The following COL14A1 variants were observed in gnomAD, a reference collection of about 807,000 sequenced individuals.
The protein encoded by COL14A1 is collagen alpha-1(XIV) chain.
COL14A1 carries 136 observed loss-of-function variants against 230.3 expected under a neutral mutation model. The observed-to-expected ratio is 0.59, with a 90% confidence interval of 0.51 to 0.68. The LOEUF (loss-of-function observed/expected upper bound fraction) is 0.68, where lower values mean the gene tolerates loss of function less well. COL14A1 is among the 30% of genes least tolerant of loss of function. The probability of loss-of-function intolerance (pLI) is 0.00; values close to 1 mark genes in which losing one functional copy is unlikely to be tolerated. For synonymous variants in COL14A1, 792 were observed against 784.1 expected, an observed-to-expected ratio of 1.01 and a Z score of -0.17; for missense variants, 1,976 against 2,215.8, an observed-to-expected ratio of 0.89 and a Z score of 2.17.
intron 40 of COL14A1, among the ~76,000 whole-genome samples, chr8:120,316,962 A>T (rs1014039870): frequency 6.6e-6 from 1 of 152,186 alleles, no homozygotes; most frequent in Non-Finnish European, 1.5e-5. Flanking sequence ...AAATTCATTT[A>T]AATCATCTAT....
At position 120,226,671 on chromosome 8, in the gene COL14A1, A is replaced by G. The variant is rs371170582; in HGVS notation, c.1909A>G (p.Thr637Ala). The G allele has an allele frequency of 1.9e-5, 30 of 1,613,812 alleles. No homozygotes were observed. Among genetic ancestry groups the G allele is most frequent in the Non-Finnish European group, 2.5e-5 (30 of 1,179,888 alleles). Residue 637 changes from threonine (T) to alanine (A), a missense_variant, in exon 16 of 48, where the codon ACA becomes GCA. This residue lies in a region of COL14A1 where 1,791 missense variants were observed against 2,019.5 expected (regional missense o/e 0.89). Coordinates refer to ENST00000297848, the MANE Select transcript of COL14A1 (RefSeq NM_021110.4). ...QQYLEIDEVT[T>A]DSFRVTWHPL... ...ATACTTAGAAATTGATGAGGTGACG[A>G]CAGACAGTTTTAGGGTGACCTGGCA... is the stretch of plus-strand genomic sequence containing the variant.
At chr8:120,241,269 G>A (rs1356805487) in intron 19 of COL14A1, among the ~76,000 whole-genome samples, 1 of 152,150 alleles carries the variant, frequency 6.6e-6, no homozygotes, top group Non-Finnish European at 1.5e-5. Flanking sequence ...GCAATGGATG[G>A]GAATTAAAAT....
intron 5 of COL14A1, among the ~76,000 whole-genome samples, chr8:120,182,168 G>A (rs1030831002): frequency 3.3e-5 from 5 of 152,160 alleles, no homozygotes; most frequent in Non-Finnish European, 4.4e-5. Context: ...AACTCTGTCT[G>A]AAATAAGTTT....
Position 120,168,219 on chromosome 8 carries a change from A to G in COL14A1, c.408A>G (p.Gly136=). 6.2e-7 allele frequency: 1 copy of G among 1,612,424 alleles called. No homozygotes were observed. Reference sequence around the variant, plus strand: ...CCAGAGTCAAAGTTGTGGACAGAGGAAATGGGAGTAGACCATCTTCACCAG... The same window carrying G: ...CCAGAGTCAAAGTTGTGGACAGAGGGAATGGGAGTAGACCATCTTCACCAG... ...PKPRVKVVDR[G]NGSRPSSPEE... The change falls in exon 5 of 48, where the codon GGA becomes GGG. Residue 136 remains glycine (G), a synonymous_variant. Coordinates refer to ENST00000297848, the MANE Select transcript of COL14A1 (RefSeq NM_021110.4).
At chr8:120,287,567 G>T (rs569215891) in intron 33 of COL14A1, among the ~76,000 whole-genome samples, 1 of 152,172 alleles carries the variant, frequency 6.6e-6, no homozygotes, top group Admixed American at 6.5e-5. Flanking sequence ...AGTCTTAGGT[G>T]AAGGTTAAGC....
intron 5 of COL14A1, among the ~76,000 whole-genome samples, chr8:120,181,880 A>G (rs1421333071): frequency 6.6e-6 from 1 of 152,040 alleles, no homozygotes; most frequent in Non-Finnish European, 1.5e-5. Context: ...TGAACCCGGG[A>G]GGCGGAGGTT....
chr8:120,271,864 GA>G (rs376380263), intron 26 of COL14A1, among the ~76,000 whole-genome samples: 1 of 151,242 alleles, frequency 6.6e-6, no homozygotes, highest in Non-Finnish European at 1.5e-5. Context: ...ATATGTTTCA[GA>G]AAAAAAGATT....
chr8:120,262,991 G>C lies in COL14A1; in HGVS notation c.2993G>C (p.Ser998Thr). The change falls in exon 24 of 48, where the codon AGT becomes ACT. Residue 998 changes from serine to threonine, a missense_variant. Coordinates refer to ENST00000297848, the MANE Select transcript of COL14A1 (RefSeq NM_021110.4). The stretch of plus-strand genomic sequence containing the variant: ...AAGCTCCAGGAGATTGAAGGACCTA[G>C]TGTGAGCATAATGGAAAAAACACGT... ...YTKLQEIEGP[S>T]VSIMEKTQSL... The C allele has an allele frequency of 1.2e-6, 2 of 1,610,046 alleles. No homozygotes were observed. Among genetic ancestry groups the C allele is most frequent in the Non-Finnish European group, 1.7e-6 (2 of 1,178,816 alleles).
chr8:120,289,531 T>A, intron 33 of COL14A1, 77 bp from the exon 34 acceptor site: 1 of 1,280,516 alleles, frequency 7.8e-7, no homozygotes, highest in South Asian at 1.4e-5. Context: ...TTTGTAATGA[T>A]GAATCATACA....
intron 36 of COL14A1, among the ~76,000 whole-genome samples, chr8:120,305,037 G>T (rs1269134086): frequency 1.3e-5 from 2 of 150,730 alleles, no homozygotes; most frequent in Non-Finnish European, 2.9e-5. Flanking sequence ...GGAGTGCAAT[G>T]GCACAATCTC....
chr8:120,270,714 G>C (rs954053893), intron 26 of COL14A1, among the ~76,000 whole-genome samples: 1 of 151,566 alleles, frequency 6.6e-6, no homozygotes, highest in African/African-American at 2.4e-5. Flanking sequence ...TATTAAAAAG[G>C]CAAAAAATAA....
intron 5 of COL14A1, among the ~76,000 whole-genome samples, chr8:120,178,519 C>G (rs148911782): frequency 2.0e-4 from 31 of 152,202 alleles, no homozygotes; most frequent in African/African-American, 6.5e-4. Context: ...CTATTGTGAA[C>G]AGTGCTGCAA....
intron 23 of COL14A1, among the ~76,000 whole-genome samples, chr8:120,256,792 G>A (rs1235531838): frequency 6.6e-6 from 1 of 152,150 alleles, no homozygotes; most frequent in African/African-American, 2.4e-5. Flanking sequence ...TATTTGCTAA[G>A]CCTAAGAAAA....
intron 36 of COL14A1, among the ~76,000 whole-genome samples, chr8:120,305,800 C>T (rs1347666245): frequency 6.6e-6 from 1 of 151,718 alleles, no homozygotes; most frequent in African/African-American, 2.4e-5. Flanking sequence ...TTTTCTCCTC[C>T]ACTAGTTTGG....
At chr8:120,200,438 T>A (rs1586760181) in intron 8 of COL14A1, among the ~76,000 whole-genome samples, 1 of 151,972 alleles carries the variant, frequency 6.6e-6, no homozygotes, top group East Asian at 1.9e-4. Context: ...CTGTTTCTTC[T>A]ATCAAAAGAT....
chr8:120,180,562 C>G (rs1267489542), intron 5 of COL14A1, among the ~76,000 whole-genome samples: 3 of 152,166 alleles, frequency 2.0e-5, no homozygotes, highest in African/African-American at 7.2e-5. Context: ...TCTTGCTTCT[C>G]CATCTCCTGG....
intron 45 of COL14A1, among the ~76,000 whole-genome samples, chr8:120,350,259 C>A (rs908230392): frequency 1.3e-5 from 2 of 151,876 alleles, no homozygotes; most frequent in African/African-American, 4.8e-5. Context: ...AAAGGAACAA[C>A]CGGTACCAGC....
chr8:120,244,231 G>A (rs1288879882), intron 20 of COL14A1, among the ~76,000 whole-genome samples: 1 of 152,184 alleles, frequency 6.6e-6, no homozygotes, highest in Non-Finnish European at 1.5e-5. Flanking sequence ...TGGAAGTGAA[G>A]ACTTGAAAAA....
At chr8:120,349,889 T>C (rs367555692) in intron 45 of COL14A1, among the ~76,000 whole-genome samples, 6 of 146,670 alleles carry the variant, frequency 4.1e-5, no homozygotes, top group African/African-American at 1.0e-4. Flanking sequence ...CAGAGAACGC[T>C]ACAAAGATAC....
Sources: allele counts gnomAD v4.1 joint callset (sites outside exome capture counted in the v4.1 genomes callset), GRCh38; gene constraint gnomAD v4.1.1; regional missense constraint gnomAD v4.1.1; transcripts MANE v1.5; gene names NCBI Gene and HGNC (gene_info 2026-07-23, HGNC 2026-07-21).